The following STX8 variants were observed in gnomAD, a reference collection of about 807,000 sequenced individuals.
The protein encoded by STX8 is syntaxin-8.
A neutral mutation model predicts 37.5 loss-of-function variants in STX8; 23 were observed. That is an observed-to-expected ratio of 0.61 (90% CI 0.44 to 0.87). The LOEUF is 0.87. Among genes scored for constraint, STX8 ranks in the 40% least tolerant of loss-of-function variants. The pLI is 0.00. For missense variants in STX8, 313 were observed against 284.7 expected (o/e 1.10, Z -0.71); for synonymous variants, 115 against 99.1 (o/e 1.16, Z -0.95).
chr17:9,545,477 G>A (rs535592096), intron 3 of STX8, among the ~76,000 whole-genome samples, 195 bp from the exon 4 acceptor site: 2 of 152,172 alleles, frequency 1.3e-5, no homozygotes, highest in Non-Finnish European at 2.9e-5. Context: ...AAGGACCTTG[G>A]CAGGACCATC....
rs1909417088 is a variant in STX8 at position 9,317,412 on chromosome 17, T to TC, written c.643+61139dup. ...TCACTGAAGATCTTTACACAGACCC[T>TC]CCCGCTTACCAAGTGATAAAACCGC... On this transcript the variant is annotated intron_variant, in intron 7 of 7. Transcript: ENST00000306357. Among the ~76,000 whole-genome samples the TC allele has an allele frequency of 2.0e-5, 3 of 152,114 alleles. No individual in the cohort carries two copies. In the South Asian group the frequency reaches 6.2e-4, roughly 32 times the overall value.
At chr17:9,521,667 A>G (rs1370113531) in intron 4 of STX8, among the ~76,000 whole-genome samples, 1 of 152,228 alleles carries the variant, frequency 6.6e-6, no homozygotes, top group African/African-American at 2.4e-5. Flanking sequence ...GTAAGTGAAC[A>G]AGAGAGACAT....
intron 7 of STX8, among the ~76,000 whole-genome samples, chr17:9,363,748 T>C (rs1180480766): frequency 2.0e-5 from 3 of 151,948 alleles, no homozygotes; most frequent in Admixed American, 2.0e-4. Context: ...GCAAAAACAA[T>C]AATCAAAAAA....
At chr17:9,541,478 T>C (rs1335147852) in intron 4 of STX8, among the ~76,000 whole-genome samples, 1 of 152,168 alleles carries the variant, frequency 6.6e-6, no homozygotes, top group East Asian at 1.9e-4. Context: ...ACATCTTGTA[T>C]TTATAAAGGT....
Position 9,354,318 on chromosome 17 carries a change from C to CTTTTT in STX8, c.643+24229_643+24233dup, listed in dbSNP as rs35460018. Among the ~76,000 whole-genome samples, 51 of 119,746 alleles carry CTTTTT rather than the reference C, an allele frequency of 4.3e-4. 3 individuals are homozygous for CTTTTT. The highest frequency in any genetic ancestry group is 1.5e-3 in the African/African-American group (46 of 31,094). The allele number at this position is 119,746 out of a possible 152,430, so 78.6% of individuals were successfully genotyped here. On this transcript the variant is annotated intron_variant, in intron 7 of 7. Coordinates refer to ENST00000306357, the MANE Select transcript of STX8 (RefSeq NM_004853.3). ...TTTCCTGGAATTAATAATTGTCTCA[C>CTTTTT]TTTTTTTTTTTTTTTTTTTTTGAGA...
intron 6 of STX8, among the ~76,000 whole-genome samples, chr17:9,429,191 A>C (rs1913751425): frequency 6.6e-6 from 1 of 151,038 alleles, no homozygotes; most frequent in Admixed American, 6.6e-5. Flanking sequence ...ATAATTACAT[A>C]GTTTTTGGAA....
intron 6 of STX8, among the ~76,000 whole-genome samples, chr17:9,444,034 C>A (rs546350379): frequency 6.6e-6 from 1 of 152,202 alleles, no homozygotes; most frequent in Non-Finnish European, 1.5e-5. Context: ...CCAGAACATA[C>A]CATAGCACTG....
intron 4 of STX8, among the ~76,000 whole-genome samples, chr17:9,532,163 G>GAA (rs528161988): frequency 1.5e-4 from 21 of 141,962 alleles, no homozygotes; most frequent in Admixed American, 5.7e-4. Context: ...CATGGTGAGG[G>GAA]AAAAAAAAAA....
chr17:9,257,905 CT>C (rs1906862935), intron 7 of STX8, among the ~76,000 whole-genome samples: 1 of 152,198 alleles, frequency 6.6e-6, no homozygotes. Flanking sequence ...TGGAGAATCA[CT>C]TGAACCCGGG....
intron 6 of STX8, among the ~76,000 whole-genome samples, chr17:9,446,026 C>CG (rs1361101458): frequency 6.6e-6 from 1 of 151,842 alleles, no homozygotes; most frequent in Non-Finnish European, 1.5e-5. Flanking sequence ...TTAGTAGAGA[C>CG]GGGGTTTCAC....
chr17:9,355,692 TAG>T (rs751356355), intron 7 of STX8, among the ~76,000 whole-genome samples: 14 of 151,878 alleles, frequency 9.2e-5, no homozygotes, highest in Admixed American at 5.3e-4. Context: ...GTATTTTTAG[TAG>T]AGATGGGATT....
At chr17:9,345,819 T>TTTGCA (rs1384380523) in intron 7 of STX8, among the ~76,000 whole-genome samples, 1 of 146,996 alleles carries the variant, frequency 6.8e-6, no homozygotes, top group Admixed American at 6.9e-5. Flanking sequence ...TATTGGAATA[T>TTTGCA]TTGCATTATA....
intron 4 of STX8, among the ~76,000 whole-genome samples, chr17:9,521,287 G>A (rs951705999): frequency 1.4e-4 from 22 of 152,192 alleles, no homozygotes; most frequent in African/African-American, 5.3e-4. Flanking sequence ...AGGGAACAGA[G>A]AGAAAGGGAC....
At chr17:9,549,511 T>C (rs1906680159) in intron 3 of STX8, among the ~76,000 whole-genome samples, 2 of 152,206 alleles carry the variant, frequency 1.3e-5, no homozygotes, top group Non-Finnish European at 2.9e-5. Context: ...CCCTAGCTCA[T>C]GGCTTTTCCA....
intron 3 of STX8, chr17:9,554,353 T>A (rs1374012994): frequency 6.6e-6 from 1 of 152,274 alleles, no homozygotes; most frequent in African/African-American, 2.4e-5. Context: ...TCAGTGACTT[T>A]CGGTGTAAAG....
chr17:9,529,268 AGAGAGT>A (rs1235278174), intron 4 of STX8, among the ~76,000 whole-genome samples: 1 of 143,268 alleles, frequency 7.0e-6, no homozygotes, highest in African/African-American at 2.6e-5. Flanking sequence ...AGAGAGAGAG[AGAGAGT>A]GTGTGGGTGC....
intron 7 of STX8, among the ~76,000 whole-genome samples, chr17:9,368,919 A>AC (rs796411355): frequency 1.9e-4 from 22 of 114,526 alleles, no homozygotes; most frequent in African/African-American, 8.9e-4. Flanking sequence ...TCTACCTTTT[A>AC]CCCTTTTTTT....
At chr17:9,493,509 G>T (rs1472297933) in intron 5 of STX8, among the ~76,000 whole-genome samples, 1 of 152,174 alleles carries the variant, frequency 6.6e-6, no homozygotes, top group Non-Finnish European at 1.5e-5. Flanking sequence ...GCGCCTCCAG[G>T]GAGGTTCTTC....
At chr17:9,472,592 C>T (rs1905917054) in intron 6 of STX8, among the ~76,000 whole-genome samples, 1 of 152,210 alleles carries the variant, frequency 6.6e-6, no homozygotes, top group South Asian at 2.1e-4. Flanking sequence ...TTGGCTGTTC[C>T]TTTGAGGTTC....
Sources: gnomAD v4.1 joint callset for allele counts (sites outside exome capture counted in the v4.1 genomes callset) on GRCh38, gnomAD v4.1.1 for gene constraint, MANE v1.5 for transcripts, NCBI Gene and HGNC (gene_info 2026-07-23, HGNC 2026-07-21) for gene names.